The following PXDNL variants were observed in gnomAD, a reference collection of about 807,000 sequenced individuals.
PXDNL encodes the protein probable oxidoreductase PXDNL.
PXDNL carries 145 observed loss-of-function variants against 150.8 expected under a neutral mutation model. The observed-to-expected ratio is 0.96, with a 90% CI of 0.84 to 1.10. The LOEUF is 1.10. Ranked by LOEUF, PXDNL falls within the 50% of genes least tolerant of loss-of-function variation. The pLI, the probability that PXDNL is intolerant of heterozygous loss-of-function variation, is 0.00. For synonymous variants in PXDNL, 757 were observed against 725.7 expected, an observed-to-expected ratio of 1.04 and a Z score of -0.69; for missense variants, 2,087 against 1,873.9, an observed-to-expected ratio of 1.11 and a Z score of -2.10.
chr8:51,784,357 A>G (rs1379278078), intron 1 of PXDNL, among the ~76,000 whole-genome samples: 2 of 152,178 alleles, frequency 1.3e-5, no homozygotes, highest in Non-Finnish European at 2.9e-5. Context: ...ATGCTTTTCT[A>G]TTGTTTTTAC....
chr8:51,604,972 C>T (rs1237117572), intron 2 of PXDNL, among the ~76,000 whole-genome samples: 2 of 152,112 alleles, frequency 1.3e-5, no homozygotes, highest in Non-Finnish European at 2.9e-5. Context: ...AGAAAATACA[C>T]ATTTGCCCAA....
chr8:51,346,477 A>G (rs7005870), intron 19 of PXDNL, among the ~76,000 whole-genome samples: 6,290 of 152,300 alleles, frequency 0.041, 270 homozygotes, highest in African/African-American at 0.11. Flanking sequence ...AATCAAAAAG[A>G]TATGAGAATA....
chr8:51,717,815 C>T (rs1246816330), intron 1 of PXDNL, among the ~76,000 whole-genome samples: 1 of 152,272 alleles, frequency 6.6e-6, no homozygotes, highest in African/African-American at 2.4e-5. Flanking sequence ...GCAGTGTCAC[C>T]CTGCAGGATT....
At position 51,641,524 on chromosome 8, in the gene PXDNL, C is replaced by A. The variant is rs1352540212; in HGVS notation, c.236+13165G>T. 6.6e-5 allele frequency among the ~76,000 whole-genome samples: 10 copies of A among 152,162 alleles called. No individual in the cohort carries two copies. The East Asian group carries it at 1.9e-3, about 29-fold the overall frequency. On this transcript the variant is annotated intron_variant, in intron 2 of 22. Coordinates refer to ENST00000356297, the MANE Select transcript of PXDNL (RefSeq NM_144651.5). ...AAATTTACAAGAAAAAAACAAACAA[C>A]CCTATCAAAAAGTGGGCGAAGGACA...
chr8:51,443,927 A>ATGTGCAGGTTAGTTACAAATG (rs1237946669), intron 12 of PXDNL, among the ~76,000 whole-genome samples: 2 of 152,128 alleles, frequency 1.3e-5, no homozygotes, highest in Non-Finnish European at 2.9e-5. Context: ...TATGTGCACA[A>ATGTGCAGGTTAGTTACAAATG]TGTGCAGGTT....
intron 1 of PXDNL, among the ~76,000 whole-genome samples, chr8:51,659,016 T>G (rs1233442143): frequency 6.6e-6 from 1 of 152,188 alleles, no homozygotes; most frequent in Non-Finnish European, 1.5e-5. Context: ...ATGCTAAATA[T>G]TTCACTCAAG....
intron 4 of PXDNL, among the ~76,000 whole-genome samples, chr8:51,527,872 G>C (rs1811801722): frequency 1.3e-5 from 2 of 152,200 alleles, no homozygotes. Flanking sequence ...AAGGAAGCTT[G>C]CTTGGAGGTT....
At chr8:51,619,528 C>CG (rs945872709) in intron 2 of PXDNL, among the ~76,000 whole-genome samples, 1 of 152,102 alleles carries the variant, frequency 6.6e-6, no homozygotes, top group African/African-American at 2.4e-5. Context: ...GATTAGATCA[C>CG]GGGGGTGGAT....
intron 17 of PXDNL, among the ~76,000 whole-genome samples, chr8:51,387,430 G>C (rs1294044963): frequency 6.6e-6 from 1 of 152,254 alleles, no homozygotes; most frequent in Non-Finnish European, 1.5e-5. Context: ...GCTGTCATGA[G>C]AGCCATGTCT....
chr8:51,639,017 C>A (rs1049519794), intron 2 of PXDNL, among the ~76,000 whole-genome samples: 3 of 152,160 alleles, frequency 2.0e-5, no homozygotes, highest in Non-Finnish European at 2.9e-5. Flanking sequence ...GACGACAGTA[C>A]AATCAAACTA....
chr8:51,537,485 T>C (rs982312332), intron 4 of PXDNL, among the ~76,000 whole-genome samples: 4 of 152,302 alleles, frequency 2.6e-5, no homozygotes, highest in African/African-American at 7.2e-5. Context: ...TTTTAAAAAC[T>C]GCACTGCTTG....
chr8:51,353,764 T>C (rs1157571222), intron 19 of PXDNL, among the ~76,000 whole-genome samples: 1 of 152,198 alleles, frequency 6.6e-6, no homozygotes, highest in Non-Finnish European at 1.5e-5. Context: ...TAAGCTGTGC[T>C]GAATGGATGC....
At chr8:51,782,809 A>T (rs1201165873) in intron 1 of PXDNL, among the ~76,000 whole-genome samples, 1 of 152,254 alleles carries the variant, frequency 6.6e-6, no homozygotes, top group Non-Finnish European at 1.5e-5. Context: ...ACCTTATCCC[A>T]TAAAATTTCT....
At chr8:51,463,818 A>G (rs1810137036) in intron 8 of PXDNL, among the ~76,000 whole-genome samples, 1 of 152,194 alleles carries the variant, frequency 6.6e-6, no homozygotes. Flanking sequence ...AAATACGGAA[A>G]TTGAACAACT....
At chr8:51,791,155 C>T (rs183746888) in intron 1 of PXDNL, among the ~76,000 whole-genome samples, 63 of 152,310 alleles carry the variant, frequency 4.1e-4, no homozygotes, top group African/African-American at 1.3e-3. Flanking sequence ...GGCAGTCAGG[C>T]TCTGGGATCC....
chr8:51,644,318 T>TATATATATATATATA (rs1814852884), intron 2 of PXDNL, among the ~76,000 whole-genome samples: 13 of 63,316 alleles, frequency 2.1e-4, no homozygotes, highest in South Asian at 1.5e-3. Context: ...AGGCACATTT[T>TATATATATATATATA]TACATATATA....
At chr8:51,692,314 A>G (rs1816021321) in intron 1 of PXDNL, among the ~76,000 whole-genome samples, 1 of 152,216 alleles carries the variant, frequency 6.6e-6, no homozygotes, top group Admixed American at 6.5e-5. Context: ...GAGAAAGACA[A>G]CTATTAAATT....
chr8:51,780,722 C>G (rs781209899), intron 1 of PXDNL, among the ~76,000 whole-genome samples: 1 of 135,864 alleles, frequency 7.4e-6, no homozygotes. Context: ...TGCTGTGGCG[C>G]GATCTCAGCT....
intron 2 of PXDNL, among the ~76,000 whole-genome samples, chr8:51,643,952 C>A (rs1177268475): frequency 6.6e-6 from 1 of 151,920 alleles, no homozygotes; most frequent in Non-Finnish European, 1.5e-5. Flanking sequence ...CTCATCATCA[C>A]TGGCCAACGT....
Sources: allele counts gnomAD v4.1 joint callset (sites outside exome capture counted in the v4.1 genomes callset), GRCh38; gene constraint gnomAD v4.1.1; transcripts MANE v1.5; gene names NCBI Gene and HGNC (gene_info 2026-07-23, HGNC 2026-07-21).